Variants in SLC1A6 observed in about 807,000 individuals in gnomAD.
SLC1A6 encodes the protein excitatory amino acid transporter 4.
In SLC1A6, 15 loss-of-function variants were observed where a neutral mutation model predicts 42.1. The observed-to-expected ratio is 0.36, with a 90% CI of 0.24 to 0.55. The LOEUF (loss-of-function observed/expected upper bound fraction) is 0.55. Among genes scored for constraint, SLC1A6 ranks in the 20% least tolerant of loss-of-function variants. The pLI is 0.88. For missense variants in SLC1A6, 542 were observed against 772.5 expected (o/e 0.70, Z 3.54); for synonymous variants, 317 against 319.7 (o/e 0.99, Z 0.09).
At chr19:14,986,834 G>T (rs568317152) in intron 1 of SLC1A6, among the ~76,000 whole-genome samples, 1 of 152,036 alleles carries the variant, frequency 6.6e-6, no homozygotes, top group African/African-American at 2.4e-5. Flanking sequence ...GGCCTCCCAA[G>T]GTGCTGGAAT....
intron 1 of SLC1A6, among the ~76,000 whole-genome samples, chr19:15,003,986 T>A (rs1056005245): frequency 6.6e-6 from 1 of 151,950 alleles, no homozygotes; most frequent in Non-Finnish European, 1.5e-5. Flanking sequence ...AGAAACCCCA[T>A]CTCTATTAAA....
At chr19:15,004,010 G>T (rs1231468671) in intron 1 of SLC1A6, among the ~76,000 whole-genome samples, 2 of 151,966 alleles carry the variant, frequency 1.3e-5, no homozygotes, top group African/African-American at 4.8e-5. Context: ...CAAAAAATTA[G>T]CTGGGCGTGG....
chr19:14,995,777 A>C, intron 1 of SLC1A6, among the ~76,000 whole-genome samples: 1 of 152,210 alleles, frequency 6.6e-6, no homozygotes, highest in East Asian at 1.9e-4. Flanking sequence ...ACAAAAATAC[A>C]ATTTGACATT....
At chr19:14,963,894 GGT>G (rs1448442844) in intron 5 of SLC1A6, 1 of 155,148 alleles carries the variant, frequency 6.4e-6, no homozygotes, top group Admixed American at 6.5e-5. Flanking sequence ...GGAGTGCAGT[GGT>G]GTGACCACTG....
At chr19:14,961,372 AAAAT>A (rs2045509930) in intron 6 of SLC1A6, 1 of 152,274 alleles carries the variant, frequency 6.6e-6, no homozygotes, top group South Asian at 2.1e-4. Context: ...TTAATTTTGC[AAAAT>A]AAATAAATGA....
At chr19:14,974,860 T>C (rs1350243191) in intron 1 of SLC1A6, 1 of 150,476 alleles carries the variant, frequency 6.6e-6, no homozygotes, top group Admixed American at 6.6e-5. Flanking sequence ...AGCCCAGGAG[T>C]TCAAGACCTG....
chr19:14,950,432 A>G, intron 9 of SLC1A6, 42 bp from the exon 10 acceptor site: 16 of 1,448,930 alleles, frequency 1.1e-5, no homozygotes, highest in Non-Finnish European at 1.5e-5. Context: ...TGGGGGCTTG[A>G]AAAGCTTCAC....
upstream of SLC1A6, among the ~76,000 whole-genome samples, chr19:14,982,733 G>A (rs1368495863): frequency 6.6e-6 from 1 of 152,132 alleles, no homozygotes; most frequent in African/African-American, 2.4e-5. Context: ...CTCAGAAACT[G>A]TGTCTTAATT....
At chr19:14,992,775 G>C (rs986239905) in intron 1 of SLC1A6, among the ~76,000 whole-genome samples, 8 of 152,150 alleles carry the variant, frequency 5.3e-5, no homozygotes, top group African/African-American at 1.9e-4. Context: ...CATTAGGAGG[G>C]CAGGGCAGTG....
At chr19:15,003,324 C>G (rs190893675) in intron 1 of SLC1A6, among the ~76,000 whole-genome samples, 116 of 152,292 alleles carry the variant, frequency 7.6e-4, no homozygotes, top group African/African-American at 2.6e-3. Context: ...GCCATAGACA[C>G]AGGTCCTTGT....
chr19:14,961,598 A>AATGC (rs1419693297), intron 6 of SLC1A6: 1 of 175,606 alleles, frequency 5.7e-6, no homozygotes, highest in Non-Finnish European at 1.2e-5. Flanking sequence ...TGAATGAATA[A>AATGC]ATGCATGAGG....
intron 1 of SLC1A6, among the ~76,000 whole-genome samples, chr19:14,991,044 T>C (rs2145232029): frequency 6.6e-6 from 1 of 152,256 alleles, no homozygotes; most frequent in Admixed American, 6.5e-5. Flanking sequence ...TAAATAAAAT[T>C]TTAAAATAAA....
upstream of SLC1A6, among the ~76,000 whole-genome samples, chr19:14,982,118 C>A (rs1010483059): frequency 6.6e-6 from 1 of 151,700 alleles, no homozygotes; most frequent in Non-Finnish European, 1.5e-5. Context: ...ACTGTCACAG[C>A]CGAGAGGAGT....
chr19:14,961,102 T>C (rs1198806783), intron 6 of SLC1A6, among the ~76,000 whole-genome samples: 1 of 151,714 alleles, frequency 6.6e-6, no homozygotes, highest in African/African-American at 2.4e-5. Context: ...TTTTGTGGTC[T>C]TGTCATGTTG....
intron 1 of SLC1A6, among the ~76,000 whole-genome samples, chr19:14,989,778 G>A (rs112592735): frequency 6.6e-6 from 1 of 151,408 alleles, no homozygotes; most frequent in African/African-American, 2.4e-5. Context: ...GATCACCTGA[G>A]GTTAGGAGTT....
chr19:14,960,300 G>T (rs1028937026), intron 6 of SLC1A6, among the ~76,000 whole-genome samples: 1 of 152,210 alleles, frequency 6.6e-6, no homozygotes, highest in African/African-American at 2.4e-5. Context: ...GTCCAAGAAT[G>T]AATTAGAATG....
chr19:14,989,323 G>A (rs759801301), intron 1 of SLC1A6, among the ~76,000 whole-genome samples: 1 of 152,072 alleles, frequency 6.6e-6, no homozygotes, highest in Non-Finnish European at 1.5e-5. Context: ...GTGCAATGGC[G>A]TGATCTCGGC....
chr19:14,996,270 A>T (rs2045845201), intron 1 of SLC1A6, among the ~76,000 whole-genome samples: 2 of 152,264 alleles, frequency 1.3e-5, no homozygotes, highest in Admixed American at 1.3e-4. Context: ...AAAGACAAAA[A>T]GTAGAACATT....
upstream of SLC1A6, among the ~76,000 whole-genome samples, chr19:14,984,725 A>G (rs2045784808): frequency 6.6e-6 from 1 of 152,278 alleles, no homozygotes; most frequent in Non-Finnish European, 1.5e-5. Flanking sequence ...CACTAGTTAC[A>G]GATCTGCTAC....
Sources: gnomAD v4.1 joint callset for allele counts (sites outside exome capture counted in the v4.1 genomes callset) on GRCh38, gnomAD v4.1.1 for gene constraint, MANE v1.5 for transcripts, NCBI Gene and HGNC (gene_info 2026-07-23, HGNC 2026-07-21) for gene names.